The following C10orf90 variants were observed in gnomAD, a reference collection of about 807,000 sequenced individuals.
C10orf90 encodes the protein chromosome 10 open reading frame 90.
In C10orf90, 56 loss-of-function variants were observed where a neutral mutation model predicts 62.5. The observed-to-expected ratio is 0.90, with a 90% CI of 0.72 to 1.12. The LOEUF (loss-of-function observed/expected upper bound fraction) is 1.12. Among genes scored for constraint, C10orf90 ranks in the 50% most tolerant of loss-of-function variants. C10orf90 has a pLI of 0.00. For synonymous variants in C10orf90, 386 were observed against 340.4 expected (o/e 1.13, Z -1.47); for missense variants, 970 against 880.4 (o/e 1.10, Z -1.29).
At chr10:126,633,139 G>C (rs1845882627) in intron 2 of C10orf90, among the ~76,000 whole-genome samples, 1 of 152,196 alleles carries the variant, frequency 6.6e-6, no homozygotes. Flanking sequence ...CCAATCATGT[G>C]ATAAAACTGC....
chr10:126,531,064 C>T (rs968604440), intron 2 of C10orf90, among the ~76,000 whole-genome samples: 20 of 151,586 alleles, frequency 1.3e-4, no homozygotes, highest in Admixed American at 1.2e-3. Context: ...ATCCCAGCTA[C>T]TCAGGAGGCT....
intron 4 of C10orf90, among the ~76,000 whole-genome samples, chr10:126,473,038 G>A (rs1311310944): frequency 6.6e-6 from 1 of 151,992 alleles, no homozygotes; most frequent in Non-Finnish European, 1.5e-5. Flanking sequence ...TAACTACTAT[G>A]TGCCAGGAAA....
intron 2 of C10orf90, among the ~76,000 whole-genome samples, chr10:126,534,306 G>A (rs1197334653): frequency 6.6e-6 from 1 of 152,172 alleles, no homozygotes; most frequent in Admixed American, 6.5e-5. Flanking sequence ...CCTATGCTCT[G>A]TGTCCAAATG....
At chr10:126,454,295 T>C (rs1590931045) in intron 7 of C10orf90, among the ~76,000 whole-genome samples, 1 of 151,760 alleles carries the variant, frequency 6.6e-6, no homozygotes, top group Non-Finnish European at 1.5e-5. Flanking sequence ...ACAGTACCCC[T>C]ATGACCTGTA....
intron 7 of C10orf90, among the ~76,000 whole-genome samples, chr10:126,445,281 C>A (rs1321404985): frequency 6.6e-6 from 1 of 152,024 alleles, no homozygotes; most frequent in Non-Finnish European, 1.5e-5. Context: ...TGACAAAGGA[C>A]AAATATCCAG....
chr10:126,480,352 T>C (rs576057060), intron 4 of C10orf90, among the ~76,000 whole-genome samples: 79 of 152,372 alleles, frequency 5.2e-4, no homozygotes, highest in African/African-American at 1.9e-3. Flanking sequence ...CATGTAAATA[T>C]AGTAATTTCT....
intron 2 of C10orf90, among the ~76,000 whole-genome samples, chr10:126,529,696 C>CA (rs1465878731): frequency 1.3e-5 from 2 of 152,050 alleles, no homozygotes; most frequent in Non-Finnish European, 2.9e-5. Flanking sequence ...CCCAGATTGG[C>CA]AAAAAATCAG....
intron 2 of C10orf90, among the ~76,000 whole-genome samples, chr10:126,644,487 A>G (rs1169550996): frequency 6.6e-6 from 1 of 152,206 alleles, no homozygotes; most frequent in Non-Finnish European, 1.5e-5. Flanking sequence ...ACTAGAATAT[A>G]CTCAAGGTTT....
intron 1 of C10orf90, among the ~76,000 whole-genome samples, chr10:126,661,496 C>G (rs943910311): frequency 6.6e-6 from 1 of 152,210 alleles, no homozygotes; most frequent in African/African-American, 2.4e-5. Flanking sequence ...CACACCACCA[C>G]CTGTCATCTG....
chr10:126,436,197 C>A (rs567338171), intron 7 of C10orf90, among the ~76,000 whole-genome samples: 1 of 152,182 alleles, frequency 6.6e-6, no homozygotes, highest in Admixed American at 6.5e-5. Flanking sequence ...CAGAAACTTA[C>A]AATATGAATC....
intron 4 of C10orf90, among the ~76,000 whole-genome samples, chr10:126,502,037 CCA>C (rs1177209399): frequency 1.4e-5 from 2 of 141,218 alleles, no homozygotes; most frequent in Non-Finnish European, 3.1e-5. Flanking sequence ...CACCACACAA[CCA>C]CACACCCACA....
intron 2 of C10orf90, among the ~76,000 whole-genome samples, chr10:126,644,766 C>A (rs1846133012): frequency 6.6e-6 from 1 of 152,202 alleles, no homozygotes; most frequent in Admixed American, 6.5e-5. Context: ...AGTCACCAGG[C>A]CTCGTTGTTC....
chr10:126,622,341 C>T (rs1845661993), intron 2 of C10orf90, among the ~76,000 whole-genome samples: 1 of 152,174 alleles, frequency 6.6e-6, no homozygotes. Context: ...TTCATCACCC[C>T]TGCCCACTGG....
At chr10:126,538,834 A>C (rs1388815856) in intron 2 of C10orf90, among the ~76,000 whole-genome samples, 1 of 152,212 alleles carries the variant, frequency 6.6e-6, no homozygotes, top group Non-Finnish European at 1.5e-5. Flanking sequence ...TCACCTGATC[A>C]TGAAGGGTTT....
At chr10:126,640,148 C>G (rs1439416361) in intron 2 of C10orf90, among the ~76,000 whole-genome samples, 1 of 152,210 alleles carries the variant, frequency 6.6e-6, no homozygotes, top group Non-Finnish European at 1.5e-5. Context: ...GCAATGCTGC[C>G]TTTTTCCACC....
intron 4 of C10orf90, among the ~76,000 whole-genome samples, chr10:126,485,597 AT>A (rs1373413129): frequency 6.6e-6 from 1 of 152,164 alleles, no homozygotes; most frequent in East Asian, 1.9e-4. Flanking sequence ...ATTTCCTGCC[AT>A]TTGGTAGACT....
At chr10:126,500,654 C>T (rs904139580) in intron 4 of C10orf90, among the ~76,000 whole-genome samples, 5 of 152,142 alleles carry the variant, frequency 3.3e-5, no homozygotes, top group Non-Finnish European at 7.3e-5. Flanking sequence ...ACAAAACATA[C>T]AGGGACTGAG....
At chr10:126,430,101 A>T (rs1857486443) in intron 7 of C10orf90, among the ~76,000 whole-genome samples, 1 of 152,220 alleles carries the variant, frequency 6.6e-6, no homozygotes, top group Non-Finnish European at 1.5e-5. Flanking sequence ...TACTTTATGG[A>T]GAGCAACACC....
At chr10:126,520,982 C>T (rs1863712516) in intron 2 of C10orf90, 1 of 253,070 alleles carries the variant, frequency 4.0e-6, no homozygotes, top group Non-Finnish European at 7.4e-6. Context: ...ATCCAAATGG[C>T]CCTTATCCCA....
Sources: gnomAD v4.1 joint callset for allele counts (sites outside exome capture counted in the v4.1 genomes callset) on GRCh38, gnomAD v4.1.1 for gene constraint, MANE v1.5 for transcripts, NCBI Gene and HGNC (gene_info 2026-07-23, HGNC 2026-07-21) for gene names.